Variants in DENND1B observed in about 807,000 individuals in gnomAD.
DENND1B encodes the protein DENN domain containing 1B.
In DENND1B, 59 loss-of-function variants were observed where a neutral mutation model predicts 90.1. The observed-to-expected ratio is 0.65, with a 90% CI of 0.53 to 0.81. The LOEUF (loss-of-function observed/expected upper bound fraction) is 0.81, where lower values mean the gene tolerates loss of function less well. DENND1B is among the 40% of genes least tolerant of loss of function. DENND1B has a pLI of 0.00. For synonymous variants in DENND1B, 337 were observed against 324.6 expected (o/e 1.04, Z -0.41); for missense variants, 862 against 912.6 (o/e 0.94, Z 0.71).
intron 5 of DENND1B, among the ~76,000 whole-genome samples, chr1:197,665,547 C>T (rs1654860772): frequency 6.6e-6 from 1 of 152,130 alleles, no homozygotes; most frequent in Non-Finnish European, 1.5e-5. Context: ...TCATTAGTAT[C>T]AACATCTTTA....
intron 15 of DENND1B, among the ~76,000 whole-genome samples, chr1:197,562,565 C>G (rs543940129): frequency 6.6e-6 from 1 of 151,862 alleles, no homozygotes; most frequent in African/African-American, 2.4e-5. Context: ...GAACCACCCC[C>G]ACATAAGTCA....
At chr1:197,625,362 A>T (rs565612944) in intron 10 of DENND1B, among the ~76,000 whole-genome samples, 2 of 151,482 alleles carry the variant, frequency 1.3e-5, no homozygotes, top group Non-Finnish European at 3.0e-5. Context: ...CCAATATTCA[A>T]CATTCTTAAA....
intron 11 of DENND1B, 34 bp downstream of exon 11, chr1:197,617,625 T>C (rs1391395915): frequency 6.7e-7 from 1 of 1,496,394 alleles, no homozygotes; most frequent in Non-Finnish European, 9.3e-7. Context: ...TCATGAAACC[T>C]AAACTTAAAG....
intron 10 of DENND1B, among the ~76,000 whole-genome samples, chr1:197,638,630 T>C (rs1050508659): frequency 6.6e-6 from 1 of 152,156 alleles, no homozygotes; most frequent in East Asian, 1.9e-4. Flanking sequence ...CTACCTATGG[T>C]CACAAAACAG....
chr1:197,519,111 T>C (rs1021783785), intron 20 of DENND1B, among the ~76,000 whole-genome samples: 8 of 151,994 alleles, frequency 5.3e-5, no homozygotes, highest in African/African-American at 1.7e-4. Flanking sequence ...GATATTATGG[T>C]TTTGTATCTG....
intron 6 of DENND1B, among the ~76,000 whole-genome samples, chr1:197,652,639 T>C (rs1653363613): frequency 6.6e-6 from 1 of 152,120 alleles, no homozygotes; most frequent in Non-Finnish European, 1.5e-5. Flanking sequence ...AAGAACTGGA[T>C]TGAATAAAAA....
intron 18 of DENND1B, among the ~76,000 whole-genome samples, chr1:197,543,409 T>C (rs548396967): frequency 1.3e-5 from 2 of 152,184 alleles, no homozygotes; most frequent in South Asian, 4.1e-4. Flanking sequence ...GCAAGACACA[T>C]ATTTGGCAAA....
intron 10 of DENND1B, among the ~76,000 whole-genome samples, chr1:197,627,210 G>A (rs1263858321): frequency 6.6e-6 from 1 of 151,820 alleles, no homozygotes; most frequent in African/African-American, 2.4e-5. Context: ...CCAAAGCCGG[G>A]CAGAGACACA....
intron 2 of DENND1B, chr1:197,747,244 G>T: frequency 1.5e-6 from 1 of 651,060 alleles, no homozygotes. Flanking sequence ...GGGAATTCCA[G>T]AAGGACACTC....
chr1:197,616,745 T>C (rs1015574507), intron 11 of DENND1B, among the ~76,000 whole-genome samples: 2 of 151,172 alleles, frequency 1.3e-5, no homozygotes, highest in Non-Finnish European at 3.0e-5. Context: ...GCATTGATTC[T>C]AAAAGTGCTG....
At chr1:197,723,441 A>C (rs548026539) in intron 2 of DENND1B, among the ~76,000 whole-genome samples, 9 of 152,158 alleles carry the variant, frequency 5.9e-5, no homozygotes, top group Non-Finnish European at 1.3e-4. Context: ...TGAGAGTTTT[A>C]AAAAAAACAT....
intron 1 of DENND1B, 78 bp downstream of exon 1, chr1:197,775,061 G>A (rs1657125152): frequency 2.0e-6 from 2 of 1,016,046 alleles, no homozygotes; most frequent in South Asian, 4.8e-5. Context: ...GAGCGCGGAG[G>A]CGCGGAGGAG....
chr1:197,592,310 T>C (rs1434803915), intron 14 of DENND1B, among the ~76,000 whole-genome samples: 1 of 152,064 alleles, frequency 6.6e-6, no homozygotes, highest in Non-Finnish European at 1.5e-5. Flanking sequence ...AGTAATATTT[T>C]GAAGGCTTGT....
At chr1:197,713,795 AT>A (rs1166243608) in intron 3 of DENND1B, among the ~76,000 whole-genome samples, 5 of 58,082 alleles carry the variant, frequency 8.6e-5, no homozygotes, top group African/African-American at 3.1e-4. Context: ...TTATAATATT[AT>A]TATATTATAA....
At chr1:197,519,525 T>C (rs1571714390) in intron 20 of DENND1B, among the ~76,000 whole-genome samples, 1 of 151,922 alleles carries the variant, frequency 6.6e-6, no homozygotes, top group Non-Finnish European at 1.5e-5. Context: ...AGGCCCCTTG[T>C]CCTCATGGAT....
chr1:197,567,188 A>G (rs1672750304), intron 15 of DENND1B, among the ~76,000 whole-genome samples: 1 of 152,140 alleles, frequency 6.6e-6, no homozygotes, highest in South Asian at 2.1e-4. Context: ...ACACAGTTCA[A>G]CTGATACTAC....
At chr1:197,669,844 T>C (rs1015635567) in intron 5 of DENND1B, among the ~76,000 whole-genome samples, 5 of 152,106 alleles carry the variant, frequency 3.3e-5, no homozygotes, top group African/African-American at 1.2e-4. Context: ...AATAATACTG[T>C]GAAATGTTCT....
intron 10 of DENND1B, among the ~76,000 whole-genome samples, chr1:197,624,192 A>G (rs1678436767): frequency 6.6e-6 from 1 of 151,710 alleles, no homozygotes; most frequent in African/African-American, 2.4e-5. Flanking sequence ...ACAATATTCA[A>G]AACAGTGTAG....
At chr1:197,569,583 C>T (rs1485482565) in intron 15 of DENND1B, among the ~76,000 whole-genome samples, 1 of 151,712 alleles carries the variant, frequency 6.6e-6, no homozygotes, top group Non-Finnish European at 1.5e-5. Context: ...CACACACACA[C>T]ACACACACAC....
Sources: gnomAD v4.1 joint callset for allele counts (sites outside exome capture counted in the v4.1 genomes callset) on GRCh38, gnomAD v4.1.1 for gene constraint, MANE v1.5 for transcripts, NCBI Gene and HGNC (gene_info 2026-07-23, HGNC 2026-07-21) for gene names.